The following TAFA1 variants were observed in gnomAD, a reference collection of about 807,000 sequenced individuals.
TAFA1 encodes the protein TAFA chemokine like family member 1.
Under a neutral mutation model 18.5 loss-of-function variants are expected in TAFA1, and 4 were observed. The ratio of observed to expected loss-of-function variants is 0.22; its 90% confidence interval spans 0.11 to 0.49. The LOEUF (loss-of-function observed/expected upper bound fraction) is 0.49. Among genes scored for constraint, TAFA1 ranks in the 20% least tolerant of loss-of-function variants. The pLI, the probability that TAFA1 is intolerant of heterozygous loss-of-function variation, is 0.98. For synonymous variants in TAFA1, 56 were observed against 55.2 expected (o/e 1.01, Z -0.06); for missense variants, 147 against 169.0 (o/e 0.87, Z 0.72).
chr3:68,028,295 G>C (rs946668439), intron 2 of TAFA1, among the ~76,000 whole-genome samples: 2 of 151,242 alleles, frequency 1.3e-5, no homozygotes, highest in African/African-American at 4.9e-5. Flanking sequence ...GCGAGACTCT[G>C]TCTCAAAAAA....
rs564483651 is a variant in TAFA1 at position 68,341,021 on chromosome 3, G to C, written c.119-76259G>C. ...ATGTTGATGTCTAAAAGTTAGGAAA[G>C]AGTGAGCTAGTTTTCCAGAATAAGA... is the stretch of plus-strand genomic sequence containing the variant. On this transcript the variant is annotated intron_variant, in intron 2 of 4. Coordinates refer to ENST00000478136, the MANE Select transcript of TAFA1 (RefSeq NM_213609.4). Among the ~76,000 whole-genome samples, 3 of 152,308 alleles carry C rather than the reference G, an allele frequency of 2.0e-5. No individual in the cohort carries two copies. The South Asian group carries it at 6.2e-4, about 32-fold the overall frequency.
intron 2 of TAFA1, among the ~76,000 whole-genome samples, chr3:68,167,331 A>G (rs2065993834): frequency 1.3e-5 from 2 of 152,322 alleles, no homozygotes; most frequent in South Asian, 4.1e-4. Context: ...TAATCCCAGC[A>G]CTTTGGGAGG....
intron 2 of TAFA1, among the ~76,000 whole-genome samples, chr3:68,278,976 A>G (rs1226597777): frequency 6.6e-6 from 1 of 152,138 alleles, no homozygotes; most frequent in African/African-American, 2.4e-5. Flanking sequence ...TTCATTCAGT[A>G]GGTCTGCTTC....
chr3:68,153,204 C>T (rs952391037), intron 2 of TAFA1, among the ~76,000 whole-genome samples: 11 of 152,162 alleles, frequency 7.2e-5, no homozygotes, highest in Admixed American at 5.9e-4. Context: ...CAAAATCTAA[C>T]ACGATCCAGT....
At chr3:68,458,781 C>A (rs536613186) in intron 3 of TAFA1, among the ~76,000 whole-genome samples, 1 of 151,628 alleles carries the variant, frequency 6.6e-6, no homozygotes, top group Non-Finnish European at 1.5e-5. Flanking sequence ...TTAAACAGTG[C>A]TTCCCACTTT....
At chr3:68,371,193 AG>A (rs2069700115) in intron 2 of TAFA1, among the ~76,000 whole-genome samples, 1 of 152,164 alleles carries the variant, frequency 6.6e-6, no homozygotes, top group Non-Finnish European at 1.5e-5. Flanking sequence ...GGTAAACTGC[AG>A]ACGATTCTTA....
intron 2 of TAFA1, among the ~76,000 whole-genome samples, chr3:68,065,336 CAG>C (rs2064659657): frequency 6.6e-6 from 1 of 152,082 alleles, no homozygotes; most frequent in Non-Finnish European, 1.5e-5. Context: ...TCACATAAAT[CAG>C]AGTCTGTGAT....
chr3:68,372,620 A>C (rs1327647843), intron 2 of TAFA1, among the ~76,000 whole-genome samples: 2 of 152,202 alleles, frequency 1.3e-5, no homozygotes, highest in East Asian at 3.9e-4. Context: ...CAGGTGAAGA[A>C]ATTCTAGAGC....
intron 3 of TAFA1, among the ~76,000 whole-genome samples, chr3:68,488,827 T>C (rs1458827696): frequency 6.6e-6 from 1 of 152,162 alleles, no homozygotes; most frequent in Non-Finnish European, 1.5e-5. Context: ...GGAAAGCTGT[T>C]TAATTTTTCT....
At chr3:68,437,969 G>A (rs1559669962) in intron 3 of TAFA1, among the ~76,000 whole-genome samples, 1 of 152,060 alleles carries the variant, frequency 6.6e-6, no homozygotes, top group South Asian at 2.1e-4. Flanking sequence ...GAGACATAGG[G>A]TACACATTCC....
intron 2 of TAFA1, among the ~76,000 whole-genome samples, chr3:68,104,567 G>A (rs918021308): frequency 3.3e-5 from 5 of 151,630 alleles, no homozygotes; most frequent in African/African-American, 9.7e-5. Context: ...CTTTTTTGAG[G>A]GAGTGGAACT....
intron 3 of TAFA1, among the ~76,000 whole-genome samples, chr3:68,518,118 G>A (rs1353948635): frequency 2.0e-5 from 3 of 152,170 alleles, no homozygotes; most frequent in Non-Finnish European, 4.4e-5. Flanking sequence ...ACTCATTGCA[G>A]ACATCCCTTT....
At chr3:68,009,339 C>T (rs1704426033) in intron 2 of TAFA1, among the ~76,000 whole-genome samples, 1 of 152,140 alleles carries the variant, frequency 6.6e-6, no homozygotes. Context: ...CTTTATAGGG[C>T]TTATTGTTAA....
chr3:68,355,944 A>G (rs1471118051), intron 2 of TAFA1, among the ~76,000 whole-genome samples: 2 of 151,924 alleles, frequency 1.3e-5, no homozygotes, highest in Non-Finnish European at 2.9e-5. Context: ...AAAATTAAAT[A>G]ATTAAGTTCA....
At chr3:68,282,016 G>A (rs2107258434) in intron 2 of TAFA1, among the ~76,000 whole-genome samples, 1 of 152,230 alleles carries the variant, frequency 6.6e-6, no homozygotes, top group South Asian at 2.1e-4. Flanking sequence ...CAATCATGGT[G>A]GAAGGGGAAG....
rs576861332 is a variant in TAFA1, at chr3:68,024,239, A to G, written c.118+17495A>G. Among the ~76,000 whole-genome samples the G allele has an allele frequency of 1.1e-4, 16 of 152,262 alleles. No homozygotes were observed. The East Asian group carries it at 2.7e-3, about 26-fold the overall frequency. ...ATCCATTTGTCATGGATGAATGCCTATACATGCCTTGATGATGATAGGAAA... is the reference window on the plus strand; with the variant it reads ...ATCCATTTGTCATGGATGAATGCCTGTACATGCCTTGATGATGATAGGAAA... On this transcript the variant is annotated intron_variant, in intron 2 of 4. Coordinates refer to ENST00000478136, the MANE Select transcript of TAFA1 (RefSeq NM_213609.4).
At chr3:68,203,160 G>C (rs1464147348) in intron 2 of TAFA1, among the ~76,000 whole-genome samples, 1 of 151,636 alleles carries the variant, frequency 6.6e-6, no homozygotes, top group Non-Finnish European at 1.5e-5. Flanking sequence ...AGGGAAGTTG[G>C]TATAATTCTT....
At chr3:68,316,080 T>C (rs1324641661) in intron 2 of TAFA1, among the ~76,000 whole-genome samples, 5 of 152,232 alleles carry the variant, frequency 3.3e-5, no homozygotes, top group Non-Finnish European at 5.9e-5. Flanking sequence ...GTGTGCATGA[T>C]AAAAAGTTTC....
chr3:68,057,663 T>G (rs2064552789), intron 2 of TAFA1, among the ~76,000 whole-genome samples: 1 of 152,214 alleles, frequency 6.6e-6, no homozygotes, highest in Admixed American at 6.5e-5. Context: ...CAGGTGTTTT[T>G]AAATTAAGGA....
Sources: allele counts gnomAD v4.1 joint callset (sites outside exome capture counted in the v4.1 genomes callset), GRCh38; gene constraint gnomAD v4.1.1; transcripts MANE v1.5; gene names NCBI Gene and HGNC (gene_info 2026-07-23, HGNC 2026-07-21).